The following USP31 variants were observed in gnomAD, a reference collection of about 807,000 sequenced individuals.
USP31 encodes the protein ubiquitin specific peptidase 31.
USP31 carries 44 observed loss-of-function variants against 119.4 expected under a neutral mutation model. The observed-to-expected ratio is 0.37, with a 90% CI of 0.29 to 0.47. USP31 has a LOEUF of 0.47. Among genes scored for constraint, USP31 ranks in the 20% least tolerant of loss-of-function variants. USP31 has a pLI of 0.99. For missense variants in USP31, 1,643 were observed against 1,730.2 expected (o/e 0.95, Z 0.89); for synonymous variants, 749 against 705.6 (o/e 1.06, Z -0.97).
chr16:23,085,928 A>G (rs1055682231), intron 9 of USP31, among the ~76,000 whole-genome samples: 1 of 152,250 alleles, frequency 6.6e-6, no homozygotes, highest in African/African-American at 2.4e-5. Flanking sequence ...ATTTAGTGTC[A>G]TAAGGTTGAT....
At chr16:23,121,854 T>G (rs554023885) in intron 1 of USP31, among the ~76,000 whole-genome samples, 1 of 152,320 alleles carries the variant, frequency 6.6e-6, no homozygotes, top group African/African-American at 2.4e-5. Flanking sequence ...TGAAAGGAAT[T>G]TCCTCGTTTT....
chr16:23,074,268 T>C (rs1411125812), intron 13 of USP31, among the ~76,000 whole-genome samples: 1 of 152,136 alleles, frequency 6.6e-6, no homozygotes. Flanking sequence ...CGGATGCTGC[T>C]AAACATTCTA....
chr16:23,144,615 G>A (rs1290844000), intron 1 of USP31, among the ~76,000 whole-genome samples: 1 of 152,092 alleles, frequency 6.6e-6, no homozygotes, highest in Non-Finnish European at 1.5e-5. Context: ...GAGTAGCTGG[G>A]ATTACAGGTG....
rs1899857452 is a variant in USP31, at chr16:23,062,140, A to G, written c.*5906T>C. The G allele has an allele frequency of 6.6e-6, 1 of 152,660 alleles. No individual in the cohort carries two copies. The highest frequency in any genetic ancestry group is 2.1e-4 in the South Asian group (1 of 4,834). 9.5% of individuals were successfully genotyped at this position (152,660 alleles called of 1,614,324 possible). A position where few individuals can be genotyped will look rare whatever the true frequency, so the allele number is the denominator to read the frequency against. ...GTATCTTCATTCCTTAAAATGTTGA[A>G]AACACCAGGTAAATTGTGGTGTTTT... On this transcript the variant is annotated 3_prime_UTR_variant, in exon 16 of 16. Transcript: ENST00000219689.
At chr16:23,104,925 T>C (rs1323118349) in intron 5 of USP31, among the ~76,000 whole-genome samples, 1 of 152,248 alleles carries the variant, frequency 6.6e-6, no homozygotes, top group Non-Finnish European at 1.5e-5. Flanking sequence ...TGGGCACAAC[T>C]TTCCTTTCTC....
At chr16:23,099,342 G>C (rs563767270) in intron 6 of USP31, among the ~76,000 whole-genome samples, 3 of 152,210 alleles carry the variant, frequency 2.0e-5, no homozygotes, top group Non-Finnish European at 4.4e-5. Context: ...AGGATGTGGA[G>C]AAATAGGAAT....
chr16:23,068,476 C>G lies in USP31; in HGVS notation c.3629G>C (p.Ser1210Thr). Reference protein sequence around the residue: ...SMASLRSPSTSIKSGLKRDSK... With the variant: ...SMASLRSPSTTIKSGLKRDSK... ...GTCCCTCTTCAAACCAGACTTGATG[C>G]TTGTGCTGGGGGAGCGCAGGCTGGC... The change falls in exon 16 of 16, where the codon AGC becomes ACC. Residue 1210 changes from serine (S) to threonine (T), a missense_variant. This residue lies in a region of USP31 where 699 missense variants were observed against 650.9 expected (regional missense o/e 1.07). Transcript: ENST00000219689. 1 of 1,613,468 alleles carries G rather than the reference C, an allele frequency of 6.2e-7. No individual in the cohort carries two copies. The highest frequency in any genetic ancestry group is 8.5e-7 in the Non-Finnish European group (1 of 1,179,606).
At chr16:23,078,748 T>A (rs12922614) in intron 13 of USP31, among the ~76,000 whole-genome samples, 25,436 of 152,194 alleles carry the variant, frequency 0.17, 2,635 homozygotes, top group Admixed American at 0.26. Flanking sequence ...TCAATAAATG[T>A]TCACTTGAAC....
At chr16:23,074,588 A>G (rs1900481097) in intron 13 of USP31, among the ~76,000 whole-genome samples, 1 of 152,204 alleles carries the variant, frequency 6.6e-6, no homozygotes, top group African/African-American at 2.4e-5. Context: ...AGCTCATTTC[A>G]GGCTTATCAA....
chr16:23,133,785 A>T (rs1298987323), intron 1 of USP31, among the ~76,000 whole-genome samples: 3 of 152,204 alleles, frequency 2.0e-5, no homozygotes, highest in African/African-American at 7.2e-5. Context: ...ATTAAAATTC[A>T]CACAGATTGG....
chr16:23,110,295 G>C (rs1033067030), intron 1 of USP31, among the ~76,000 whole-genome samples: 4 of 152,170 alleles, frequency 2.6e-5, no homozygotes, highest in African/African-American at 9.7e-5. Flanking sequence ...GGCTAATTAA[G>C]AAGAGGACGG....
At chr16:23,072,279 T>C (rs1191216773) in intron 14 of USP31, 82 bp from the exon 15 acceptor site, 4 of 1,533,614 alleles carry the variant, frequency 2.6e-6, no homozygotes, top group African/African-American at 1.4e-5. Flanking sequence ...ATGAAGGTGT[T>C]ACGAGCTGAG....
intron 1 of USP31, among the ~76,000 whole-genome samples, chr16:23,114,265 G>A (rs1237277353): frequency 1.3e-5 from 2 of 151,232 alleles, no homozygotes; most frequent in Admixed American, 6.7e-5. Context: ...CAGGAAGGCA[G>A]GGAACCTGGT....
In USP31 at chr16:23,090,956, T is replaced by C. The variant is rs1253042315; in HGVS notation, c.1235-152A>G. On this transcript the variant is annotated intron_variant, in intron 6 of 15. Coordinates refer to ENST00000219689, the MANE Select transcript of USP31 (RefSeq NM_020718.4). ...AAAAAAAGAAACATCCTACTTAGAT[T>C]ACTCATCTAGCCGTTAGAGAATTTC... The C allele has an allele frequency of 4.4e-6, 3 of 685,124 alleles. No homozygotes were observed. In the African/African-American group the frequency reaches 5.3e-5, roughly 12 times the overall value. The allele number at this position is 685,124 out of a possible 1,614,324, so 42.4% of individuals were successfully genotyped here. A position where few individuals can be genotyped will look rare whatever the true frequency, so the allele number is the denominator to read the frequency against.
At chr16:23,082,950 C>A (rs951995170) in intron 11 of USP31, among the ~76,000 whole-genome samples, 2 of 151,504 alleles carry the variant, frequency 1.3e-5, no homozygotes, top group African/African-American at 4.9e-5. Flanking sequence ...CCCACCTCAG[C>A]CTCTTCAGTA....
At chr16:23,146,366 G>A (rs1280091716) in intron 1 of USP31, among the ~76,000 whole-genome samples, 44 of 151,924 alleles carry the variant, frequency 2.9e-4, no homozygotes, top group Admixed American at 2.9e-3. Context: ...CGAGGCAGGT[G>A]GATCAAAAAT....
At chr16:23,142,977 A>G (rs1394763529) in intron 1 of USP31, among the ~76,000 whole-genome samples, 3 of 152,106 alleles carry the variant, frequency 2.0e-5, no homozygotes, top group Admixed American at 6.6e-5. Context: ...TAGCACCAGA[A>G]CCCCCAGCAT....
At position 23,079,969 on chromosome 16, in the gene USP31, G is replaced by A. The variant is rs1382761109; in HGVS notation, c.2153C>T (p.Thr718Ile). 3.7e-6 allele frequency: 6 copies of A among 1,613,204 alleles called. No individual in the cohort carries two copies. Among genetic ancestry groups the A allele is most frequent in the Non-Finnish European group, 5.1e-6 (6 of 1,179,712 alleles). ...ACCTGTGTAGTGCCCCCCTTGCATG[G>A]TGCCATGGTGATTGCACACAGCATA... is the stretch of plus-strand genomic sequence containing the variant. Reference protein sequence around the residue: ...DLYAVCNHHGTMQGGHYTAYC... With the variant: ...DLYAVCNHHGIMQGGHYTAYC... Residue 718 changes from threonine to isoleucine, a missense_variant, in exon 13 of 16, where the codon ACC (threonine) becomes ATC (isoleucine). By Grantham distance (89) the Thr-to-Ile change is moderately conservative (BLOSUM62 -1). Coordinates refer to ENST00000219689, the MANE Select transcript of USP31 (RefSeq NM_020718.4).
chr16:23,099,849 C>T (rs920325112), intron 6 of USP31, among the ~76,000 whole-genome samples: 1 of 151,968 alleles, frequency 6.6e-6, no homozygotes, highest in Non-Finnish European at 1.5e-5. Flanking sequence ...GCAAACAATG[C>T]AATTTTAAGA....
Sources: gnomAD v4.1 joint callset for allele counts (sites outside exome capture counted in the v4.1 genomes callset) on GRCh38, gnomAD v4.1.1 for gene constraint, gnomAD v4.1.1 regional missense constraint, MANE v1.5 for transcripts, NCBI Gene and HGNC (gene_info 2026-07-23, HGNC 2026-07-21) for gene names.